Variants in PDE7B observed in about 807,000 individuals in gnomAD.
PDE7B encodes the protein phosphodiesterase 7B.
Under a neutral mutation model 56.2 loss-of-function variants are expected in PDE7B, and 29 were observed. That is an observed-to-expected ratio of 0.52 (90% CI 0.38 to 0.70). The LOEUF is 0.70. Among genes scored for constraint, PDE7B ranks in the 30% least tolerant of loss-of-function variants. The pLI is 0.00. For missense variants in PDE7B, 490 were observed against 565.0 expected (o/e 0.87, Z 1.35); for synonymous variants, 197 against 196.9 (o/e 1.00, Z 0.00).
intron 3 of PDE7B, among the ~76,000 whole-genome samples, chr6:136,113,220 A>G (rs1478668450): frequency 6.6e-6 from 1 of 152,224 alleles, no homozygotes; most frequent in Non-Finnish European, 1.5e-5. Flanking sequence ...TAGCCATTCC[A>G]CAATGTGTGT....
At chr6:135,892,850 A>C (rs1435156738) in intron 1 of PDE7B, among the ~76,000 whole-genome samples, 1 of 152,190 alleles carries the variant, frequency 6.6e-6, no homozygotes, top group African/African-American at 2.4e-5. Context: ...GTGTATTTGC[A>C]ATGGACCAAG....
chr6:135,946,704 T>C (rs940878714), intron 1 of PDE7B, among the ~76,000 whole-genome samples: 6 of 152,136 alleles, frequency 3.9e-5, no homozygotes, highest in African/African-American at 1.4e-4. Context: ...TTTTTCCTCG[T>C]CTATGAATTG....
intron 2 of PDE7B, among the ~76,000 whole-genome samples, chr6:135,950,536 G>A (rs1232015517): frequency 2.0e-5 from 3 of 151,780 alleles, no homozygotes; most frequent in Admixed American, 6.6e-5. Context: ...AAATATATGG[G>A]GCCACCTCAA....
At chr6:135,897,293 T>C (rs1775919478) in intron 1 of PDE7B, among the ~76,000 whole-genome samples, 1 of 151,864 alleles carries the variant, frequency 6.6e-6, no homozygotes, top group South Asian at 2.1e-4. Flanking sequence ...TGTGTGGGTA[T>C]GTGTGTAGGC....
chr6:136,111,326 G>A (rs1286682800), intron 3 of PDE7B, among the ~76,000 whole-genome samples: 2 of 152,096 alleles, frequency 1.3e-5, no homozygotes, highest in South Asian at 2.1e-4. Flanking sequence ...GGGTCTCCTC[G>A]AAAACATTAT....
chr6:136,093,642 C>A (rs1260090076), intron 2 of PDE7B, among the ~76,000 whole-genome samples: 1 of 152,110 alleles, frequency 6.6e-6, no homozygotes, highest in Non-Finnish European at 1.5e-5. Flanking sequence ...CACATAGGCC[C>A]TAGGAGAGTG....
Position 136,191,769 on chromosome 6 carries a change from G to A in PDE7B, c.1282G>A (p.Gly428Ser). 6.3e-7 allele frequency: 1 copy of A among 1,588,690 alleles called. No homozygotes were observed. Among genetic ancestry groups the A allele is most frequent in the Non-Finnish European group, 8.6e-7 (1 of 1,167,982 alleles). ...PRQHRSRGSS[G>S]SGPDHDHAGQ... is the part of the protein sequence containing the mutation. ...GCAGCACAGAAGCAGGGGCAGCAGT[G>A]GCAGCGGGCCTGACCACGACCACGC... The change falls in exon 13 of 13, where the codon GGC becomes AGC. Residue 428 changes from glycine (G) to serine (S), a missense_variant. Gly to Ser is a moderately conservative substitution (Grantham distance 56). Transcript: ENST00000308191.
chr6:136,010,001 T>C (rs1449248862), intron 2 of PDE7B, among the ~76,000 whole-genome samples: 3 of 152,220 alleles, frequency 2.0e-5, no homozygotes, highest in Non-Finnish European at 4.4e-5. Flanking sequence ...GGGGTTGATT[T>C]GTTCTTGCTT....
At chr6:136,054,270 T>A (rs1182835613) in intron 2 of PDE7B, among the ~76,000 whole-genome samples, 6 of 152,214 alleles carry the variant, frequency 3.9e-5, no homozygotes, top group Admixed American at 3.9e-4. Flanking sequence ...GCTTTCTACA[T>A]ATGGCTAGCC....
At chr6:135,897,226 C>T (rs573794472) in intron 1 of PDE7B, among the ~76,000 whole-genome samples, 1 of 152,008 alleles carries the variant, frequency 6.6e-6, no homozygotes, top group South Asian at 2.1e-4. Context: ...GAATGGAATT[C>T]ATCTGAAACT....
intron 1 of PDE7B, among the ~76,000 whole-genome samples, chr6:135,914,711 G>T (rs1371883984): frequency 2.5e-5 from 1 of 39,594 alleles, no homozygotes; most frequent in Non-Finnish European, 3.9e-5. Flanking sequence ...GGATGGTCTC[G>T]ATCTCCTGAC....
rs181873639 is a variant in PDE7B, at chr6:136,120,634, G to A, written c.166+11820G>A. Among the ~76,000 whole-genome samples, 574 of 152,184 alleles carry A rather than the reference G, an allele frequency of 3.8e-3. 3 individuals carry two copies. Among genetic ancestry groups the A allele is most frequent in the African/African-American group, 0.013 (542 of 41,520 alleles). On this transcript the variant is annotated intron_variant, in intron 3 of 12. Coordinates refer to ENST00000308191, the MANE Select transcript of PDE7B (RefSeq NM_018945.4). ...GGAATTTCCCATCTAACAACTTCTCGTTTCTCCATGAAGTAGCAAGCCAGG... is the reference window on the plus strand; with the variant it reads ...GGAATTTCCCATCTAACAACTTCTCATTTCTCCATGAAGTAGCAAGCCAGG...
rs1775476098 is a variant in PDE7B at position 135,991,353 on chromosome 6, T to G, written c.82+43829T>G. Among the ~76,000 whole-genome samples, 12 of 152,338 alleles carry G rather than the reference T, an allele frequency of 7.9e-5. No individual in the cohort carries two copies. The South Asian group carries it at 2.5e-3, about 32-fold the overall frequency. ...GCATGTGTTGACTAATTAGGTTGAT[T>G]GGTCCTTCCACAATTAATACATATT... On this transcript the variant is annotated intron_variant, in intron 2 of 12. Transcript: ENST00000308191.
intron 3 of PDE7B, among the ~76,000 whole-genome samples, chr6:136,143,872 C>G (rs1233034772): frequency 6.6e-6 from 1 of 151,972 alleles, no homozygotes; most frequent in East Asian, 1.9e-4. Context: ...AAGAAGTAAT[C>G]CATCATTTCA....
intron 1 of PDE7B, among the ~76,000 whole-genome samples, chr6:135,934,754 AT>A (rs1249866082): frequency 2.6e-5 from 3 of 115,110 alleles, no homozygotes; most frequent in African/African-American, 3.4e-5. Context: ...ATATATATAT[AT>A]TTTTTAAATA....
chr6:136,168,153 T>C (rs1778825532), intron 8 of PDE7B, among the ~76,000 whole-genome samples: 1 of 152,178 alleles, frequency 6.6e-6, no homozygotes, highest in Admixed American at 6.6e-5. Context: ...CCATCATATA[T>C]TAATAATTTA....
At chr6:136,187,284 T>C (rs1417784013) in intron 12 of PDE7B, among the ~76,000 whole-genome samples, 168 bp downstream of exon 12, 1 of 152,264 alleles carries the variant, frequency 6.6e-6, no homozygotes, top group Non-Finnish European at 1.5e-5. Flanking sequence ...ACTAATCTAC[T>C]AGCTAATTAT....
intron 3 of PDE7B, among the ~76,000 whole-genome samples, chr6:136,138,814 T>G (rs1778261067): frequency 6.6e-6 from 1 of 152,080 alleles, no homozygotes. Flanking sequence ...AGTACACAAA[T>G]AAAGAATACA....
intron 2 of PDE7B, among the ~76,000 whole-genome samples, chr6:136,079,726 CAA>C (rs35447604): frequency 0.068 from 6,433 of 94,430 alleles, 376 homozygotes; most frequent in African/African-American, 0.2. Context: ...ATTAGGAAGA[CAA>C]AAAAAAAAAA....
Sources: allele counts gnomAD v4.1 joint callset (sites outside exome capture counted in the v4.1 genomes callset), GRCh38; gene constraint gnomAD v4.1.1; transcripts MANE v1.5; gene names NCBI Gene and HGNC (gene_info 2026-07-23, HGNC 2026-07-21).